PDGFRB: variants seen among roughly 807,000 people sequenced by gnomAD.
PDGFRB encodes platelet derived growth factor receptor beta, also known as platelet-derived growth factor receptor beta.
In PDGFRB, 42 loss-of-function variants were observed where a neutral mutation model predicts 120.2. The observed-to-expected ratio is 0.35, with a 90% confidence interval of 0.27 to 0.45. PDGFRB has a LOEUF of 0.45. Among genes scored for constraint, PDGFRB ranks in the 20% least tolerant of loss-of-function variants. The pLI is 1.00. For missense variants in PDGFRB, 1,149 were observed against 1,476.3 expected, an observed-to-expected ratio of 0.78 and a Z score of 3.63; for synonymous variants, 586 against 606.8, an observed-to-expected ratio of 0.97 and a Z score of 0.50.
chr5:150,119,603 G>A, intron 19 of PDGFRB, 37 bp from the exon 20 acceptor site: 2 of 1,322,484 alleles, frequency 1.5e-6, no homozygotes, highest in Non-Finnish European at 2.2e-6. Context: ...CACAGGCTCA[G>A]GGGTGGAAAA....
At chr5:150,130,189 G>C (rs139481934) in intron 9 of PDGFRB, among the ~76,000 whole-genome samples, 2 of 151,376 alleles carry the variant, frequency 1.3e-5, no homozygotes, top group Admixed American at 1.3e-4. Flanking sequence ...TTTGACCCAC[G>C]GGGTCACACG....
chr5:150,120,879 G>C lies in PDGFRB; in HGVS notation c.2586+9C>G. On this transcript the variant is annotated intron_variant, in intron 18 of 22. Coordinates refer to ENST00000261799, the MANE Select transcript of PDGFRB (RefSeq NM_002609.4). The surrounding 1 kb of genome is among the most constrained non-coding windows in gnomAD (Gnocchi z 4.3). ...TGACTGCCCTGCAGGGGCCAGGGAAGGTACTCACGCTGCCTTTGGAGATGT... is the reference window on the plus strand; with the variant it reads ...TGACTGCCCTGCAGGGGCCAGGGAACGTACTCACGCTGCCTTTGGAGATGT... 1.2e-6 allele frequency: 2 copies of C among 1,613,776 alleles called. No homozygotes were observed. The highest frequency in any genetic ancestry group is 1.7e-6 in the Non-Finnish European group (2 of 1,179,694).
At position 150,124,295 on chromosome 5, in the gene PDGFRB, GC is replaced by G; in HGVS notation, c.1977del (p.His661ThrfsTer2). The G allele has an allele frequency of 1.9e-6, 3 of 1,614,062 alleles. No individual in the cohort carries two copies. Among genetic ancestry groups the G allele is most frequent in the Non-Finnish European group, 2.5e-6 (3 of 1,179,900 alleles). On this transcript the variant is annotated frameshift_variant, in exon 14 of 23. Transcript: ENST00000261799. LOFTEE classifies it high-confidence loss of function. ...MSELKIMSHL[G>X]PHLNVVNLLG... ...AACAGGTTGACCACGTTCAGGTGGG[GC>G]CCAAGGTGACTCATGATCTTCAGCT...
chr5:150,139,444 C>G (rs1293187022), intron 1 of PDGFRB, among the ~76,000 whole-genome samples: 2 of 152,160 alleles, frequency 1.3e-5, no homozygotes, highest in African/African-American at 4.8e-5. Flanking sequence ...TGGTGAAGCT[C>G]TGCCTTTCTG....
intron 1 of PDGFRB, among the ~76,000 whole-genome samples, chr5:150,149,041 C>T (rs985564861): frequency 3.3e-5 from 5 of 152,148 alleles, no homozygotes; most frequent in Non-Finnish European, 7.3e-5. Context: ...GAAAGGTCTG[C>T]GGTGCTGTGT....
intron 14 of PDGFRB, 74 bp downstream of exon 14, chr5:150,124,175 GA>G (rs1431966147): frequency 4.0e-5 from 40 of 992,296 alleles, no homozygotes; most frequent in African/African-American, 1.9e-4. Context: ...TGCAAGGCCT[GA>G]GGGGGGGGTA....
intron 2 of PDGFRB, 72 bp from the exon 3 acceptor site, chr5:150,135,950 G>A (rs1227426636): frequency 1.4e-5 from 15 of 1,068,654 alleles, no homozygotes; most frequent in Non-Finnish European, 2.0e-5. Flanking sequence ...AGCCTGCGAG[G>A]AGGCCACGTA....
rs960228500 is a variant in PDGFRB at position 150,118,866 on chromosome 5, G to A, written c.2799-14C>T. On this transcript the variant is annotated splice_polypyrimidine_tract_variant and intron_variant, in intron 20 of 22. Coordinates refer to ENST00000261799, the MANE Select transcript of PDGFRB (RefSeq NM_002609.4). ...ATGATCTCATAGCTGGGGATAGGGA[G>A]AAGGGTCAGGGCCTCTGGCCCAGGG... 6.5e-7 allele frequency: 1 copy of A among 1,539,716 alleles called. No individual in the cohort carries two copies. The highest frequency in any genetic ancestry group is 1.4e-5 in the African/African-American group (1 of 73,390).
Position 150,121,575 on chromosome 5 carries a change from G to A in PDGFRB, c.2345-253C>T, listed in dbSNP as rs1760135398. Among the ~76,000 whole-genome samples, 1 of 152,136 alleles carries A rather than the reference G, an allele frequency of 6.6e-6. No individual in the cohort carries two copies. Among genetic ancestry groups the A allele is most frequent in the Non-Finnish European group, 1.5e-5 (1 of 68,014 alleles). ...CTGGCCTGCCTGCCTGCCTCTCAGG[G>A]ACACTAGACCAGCCTGGGGCTGAAG... On this transcript the variant is annotated intron_variant, in intron 16 of 22. Transcript: ENST00000261799. The surrounding 1 kb of genome is among the most constrained non-coding windows in gnomAD (Gnocchi z 4.1).
intron 6 of PDGFRB, 135 bp from the exon 7 acceptor site, chr5:150,133,077 A>T: frequency 3.0e-6 from 2 of 664,120 alleles, no homozygotes; most frequent in Non-Finnish European, 5.1e-6. Context: ...CTGAGGTTGA[A>T]ATTGGGCTGG....
chr5:150,135,432 T>C, intron 3 of PDGFRB, 123 bp downstream of exon 3: 2 of 722,442 alleles, frequency 2.8e-6, no homozygotes, highest in South Asian at 1.7e-5. Context: ...GCTGGTTCCA[T>C]GATTGTCTGC....
At chr5:150,135,083 G>A in intron 3 of PDGFRB, 67 bp from the exon 4 acceptor site, 1 of 821,046 alleles carries the variant, frequency 1.2e-6, no homozygotes, top group South Asian at 1.6e-5. Context: ...GAATTGCTGT[G>A]TGGCAAGTCA....
At chr5:150,154,515 C>T (rs538924795) in intron 1 of PDGFRB, among the ~76,000 whole-genome samples, 2 of 152,324 alleles carry the variant, frequency 1.3e-5, no homozygotes, top group East Asian at 1.9e-4. Flanking sequence ...ACAGTTGCGG[C>T]GTGCAGTAAG....
Position 150,114,102 on chromosome 5 carries a change from G to A in PDGFRB, c.*1661C>T, listed in dbSNP as rs1247243002. ...CAGGGTTGGTGCCCAGAGGGGTTGA[G>A]CTTCCTGCACCCCCTTCCCAACCCT... is the stretch of plus-strand genomic sequence containing the variant. On this transcript the variant is annotated 3_prime_UTR_variant, in exon 23 of 23. Transcript: ENST00000261799. 1.7e-5 allele frequency: 4 copies of A among 233,510 alleles called. No individual in the cohort carries two copies. The highest frequency in any genetic ancestry group is 8.8e-5 in the African/African-American group (4 of 45,348). The allele number at this position is 233,510 out of a possible 1,614,324, so 14.5% of individuals were successfully genotyped here.
chr5:150,145,912 T>C (rs1760910557), intron 1 of PDGFRB, among the ~76,000 whole-genome samples: 1 of 152,148 alleles, frequency 6.6e-6, no homozygotes, highest in Non-Finnish European at 1.5e-5. Context: ...TCGTCAGCCT[T>C]ATCTTTTCGC....
chr5:150,125,559 G>A lies in PDGFRB; in HGVS notation c.1693C>T (p.Arg565Ter), dbSNP rs1460983846. Residue 565 changes from arginine to a stop codon, truncating the protein, a stop_gained, in exon 12 of 23, where the codon CGA becomes TGA. Coordinates refer to ENST00000261799, the MANE Select transcript of PDGFRB (RefSeq NM_002609.4). LOFTEE classifies it high-confidence loss of function. ...LWQKKPRYEI[R>*]WKVIESVSSD... The stretch of plus-strand genomic sequence containing the variant: ...CTCACAGACTCAATCACCTTCCATC[G>A]GATCTCGTAACGTGGCTTCTGGAGG... 3 of 1,613,796 alleles carry A rather than the reference G, an allele frequency of 1.9e-6. No individual in the cohort carries two copies. The highest frequency in any genetic ancestry group is 1.7e-5 in the Admixed American group (1 of 60,012).
chr5:150,118,917 G>C, intron 20 of PDGFRB, 65 bp from the exon 21 acceptor site: 2 of 951,386 alleles, frequency 2.1e-6, no homozygotes, highest in Non-Finnish European at 3.3e-6. Context: ...AGGGCTGGGG[G>C]AGCAGGAGGC....
intron 2 of PDGFRB, among the ~76,000 whole-genome samples, chr5:150,136,745 G>A (rs1760643745): frequency 6.6e-6 from 1 of 152,196 alleles, no homozygotes; most frequent in African/African-American, 2.4e-5. Flanking sequence ...GGGCCAGAAG[G>A]TGGGATGGGG....
At chr5:150,152,441 C>G (rs1045160690) in intron 1 of PDGFRB, among the ~76,000 whole-genome samples, 1 of 152,204 alleles carries the variant, frequency 6.6e-6, no homozygotes, top group South Asian at 2.1e-4. Context: ...CACCCCTTCC[C>G]TTCCCTCCTA....
Sources: allele counts gnomAD v4.1 joint callset (sites outside exome capture counted in the v4.1 genomes callset), GRCh38; gene constraint gnomAD v4.1.1; non-coding constraint Gnocchi (gnomAD v3.1); transcripts MANE v1.5; gene names NCBI Gene and HGNC (gene_info 2026-07-23, HGNC 2026-07-21).